Variants in LIN28B observed in about 807,000 individuals in gnomAD.
LIN28B encodes protein lin-28 homolog B.
In LIN28B, 5 loss-of-function variants were observed where a neutral mutation model predicts 21.9. The ratio of observed to expected loss-of-function variants is 0.23; its 90% confidence interval spans 0.12 to 0.48. The LOEUF (loss-of-function observed/expected upper bound fraction) is 0.48. Ranked by LOEUF, LIN28B falls within the 20% of genes least tolerant of loss-of-function variation. The pLI is 0.98. For synonymous variants in LIN28B, 109 were observed against 111.3 expected, an observed-to-expected ratio of 0.98 and a Z score of 0.13; for missense variants, 245 against 310.5, an observed-to-expected ratio of 0.79 and a Z score of 1.58.
Position 105,023,602 on chromosome 6 carries a change from TAAA to T in LIN28B, c.199-2694_199-2692del, listed in dbSNP as rs1562096719. 1.1e-3 allele frequency among the ~76,000 whole-genome samples: 70 copies of T among 61,226 alleles called. 9 individuals are homozygous for T. The highest frequency in any genetic ancestry group is 4.5e-3 in the African/African-American group (65 of 14,428). The allele number at this position is 61,226 out of a possible 152,430, so 40.2% of individuals were successfully genotyped here. On this transcript the variant is annotated intron_variant, in intron 2 of 3. Coordinates refer to ENST00000345080, the MANE Select transcript of LIN28B (RefSeq NM_001004317.4). ...ATATATATTATATATATTATATATA[TAAA>T]ATATATAATATATATTATATATTTT...
rs557578097 is a variant in LIN28B, at chr6:105,049,470, G to T, written c.383+22988G>T. ...GTGTGATGTGGTGCTGAGAAGAATG[G>T]ATATTCTGTTGATTTGGGGTGGAGA... On this transcript the variant is annotated intron_variant, in intron 3 of 3. Transcript: ENST00000345080. Among the ~76,000 whole-genome samples the T allele has an allele frequency of 3.3e-4, 50 of 152,212 alleles. No homozygotes were observed. In the South Asian group the frequency reaches 9.2e-3, roughly 28 times the overall value.
intron 3 of LIN28B, among the ~76,000 whole-genome samples, chr6:105,059,272 T>C (rs1214818363): frequency 6.6e-6 from 1 of 152,142 alleles, no homozygotes; most frequent in East Asian, 1.9e-4. Context: ...TCCTTCTACT[T>C]TTCTGGCTGT....
chr6:104,963,139 C>A (rs909488832), intron 2 of LIN28B, among the ~76,000 whole-genome samples: 1 of 152,130 alleles, frequency 6.6e-6, no homozygotes, highest in Non-Finnish European at 1.5e-5. Flanking sequence ...CTCCGCCTTC[C>A]GGGTTCACGC....
intron 3 of LIN28B, among the ~76,000 whole-genome samples, chr6:105,069,712 T>TA (rs1338647150): frequency 6.6e-6 from 1 of 151,968 alleles, no homozygotes; most frequent in Non-Finnish European, 1.5e-5. Context: ...AGCTGTAAGT[T>TA]ATCATCCATT....
chr6:104,988,230 C>A (rs1215231134), intron 2 of LIN28B, among the ~76,000 whole-genome samples: 1 of 152,098 alleles, frequency 6.6e-6, no homozygotes, highest in Non-Finnish European at 1.5e-5. Flanking sequence ...CTCTTTCATT[C>A]CTAGTTTGCT....
chr6:105,027,188 G>A (rs951323308), intron 3 of LIN28B, among the ~76,000 whole-genome samples: 9 of 152,064 alleles, frequency 5.9e-5, no homozygotes, highest in Non-Finnish European at 1.2e-4. Context: ...ATACTTAATA[G>A]TGAAAATCTG....
intron 2 of LIN28B, among the ~76,000 whole-genome samples, chr6:104,991,345 C>T (rs1268801677): frequency 4.6e-5 from 7 of 150,814 alleles, no homozygotes; most frequent in South Asian, 2.1e-4. Flanking sequence ...AGTGGGCGGC[C>T]GGGCAGAGAC....
intron 3 of LIN28B, among the ~76,000 whole-genome samples, chr6:105,050,867 A>C (rs1371392907): frequency 2.6e-5 from 4 of 151,364 alleles, no homozygotes; most frequent in Admixed American, 2.6e-4. Context: ...TTTATTAGGA[A>C]GTTCAAGACA....
intron 2 of LIN28B, among the ~76,000 whole-genome samples, chr6:104,997,736 T>C (rs1395982432): frequency 1.3e-5 from 2 of 152,226 alleles, no homozygotes; most frequent in African/African-American, 4.8e-5. Context: ...ATTTATAATC[T>C]GCACATGGCC....
upstream of LIN28B, among the ~76,000 whole-genome samples, chr6:104,955,504 A>G (rs534864173): frequency 1.4e-4 from 21 of 152,252 alleles, no homozygotes; most frequent in South Asian, 3.9e-3. Context: ...TTATACATCC[A>G]TTTTCCAATC....
chr6:104,984,866 T>C (rs1458543573), intron 2 of LIN28B, among the ~76,000 whole-genome samples: 4 of 152,236 alleles, frequency 2.6e-5, no homozygotes, highest in Admixed American at 2.6e-4. Flanking sequence ...TGTAGGAATA[T>C]TTCCTAAATT....
chr6:105,012,148 A>C (rs992769051), intron 2 of LIN28B, among the ~76,000 whole-genome samples: 1 of 150,900 alleles, frequency 6.6e-6, no homozygotes, highest in African/African-American at 2.4e-5. Flanking sequence ...ACAGAGCAAG[A>C]CTCCGTCTCA....
chr6:105,050,595 C>T (rs1156614709), intron 3 of LIN28B, among the ~76,000 whole-genome samples: 94 of 109,300 alleles, frequency 8.6e-4, no homozygotes, highest in Admixed American at 2.3e-3. Context: ...GGCGACAGAG[C>T]GAGACTCCGT....
rs115561227 is a variant in LIN28B, at chr6:104,948,072, C to T, written c.19-2389C>T. The stretch of plus-strand genomic sequence containing the variant: ...CTAAATGATGAATGGAGATTATTCT[C>T]GTGTAGGGGCAAAGAAGTGTATTTT... On this transcript the variant is annotated intron_variant, in intron 2 of 5. Coordinates refer to the LIN28B transcript ENST00000635857. 2.3e-3 allele frequency among the ~76,000 whole-genome samples: 349 copies of T among 152,090 alleles called. 1 individual carries two copies. Among genetic ancestry groups the T allele is most frequent in the African/African-American group, 7.8e-3 (324 of 41,494 alleles).
intron 1 of LIN28B, 126 bp downstream of exon 1, chr6:104,957,386 C>G: frequency 1.7e-6 from 1 of 597,854 alleles, no homozygotes; most frequent in South Asian, 2.0e-5. Flanking sequence ...GCATTACCTC[C>G]CAACCCCCCA....
intron 2 of LIN28B, among the ~76,000 whole-genome samples, chr6:104,991,065 G>A (rs1223403108): frequency 6.6e-6 from 1 of 152,206 alleles, no homozygotes; most frequent in Non-Finnish European, 1.5e-5. Flanking sequence ...CGTTCTCAAT[G>A]AGCTGTTGGG....
intron 2 of LIN28B, among the ~76,000 whole-genome samples, chr6:104,983,695 G>T (rs1582878137): frequency 6.6e-6 from 1 of 152,112 alleles, no homozygotes; most frequent in South Asian, 2.1e-4. Flanking sequence ...TCCTGCCTCA[G>T]CCTCCCAAGT....
Position 104,997,650 on chromosome 6 carries a change from A to C in LIN28B, c.199-28648A>C, listed in dbSNP as rs2114283724. Among the ~76,000 whole-genome samples the C allele has an allele frequency of 3.9e-5, 6 of 152,040 alleles. 2 individuals are homozygous for C. The highest frequency in any genetic ancestry group is 3.9e-4 in the Admixed American group (6 of 15,262). Reference sequence around the variant, plus strand: ...ATGTTTTCAGGTTGAGAGGTTTGACATTTGGTGATGATGATAGAGAATAAT... The same window carrying C: ...ATGTTTTCAGGTTGAGAGGTTTGACCTTTGGTGATGATGATAGAGAATAAT... On this transcript the variant is annotated intron_variant, in intron 2 of 3. Transcript: ENST00000345080.
intron 2 of LIN28B, among the ~76,000 whole-genome samples, chr6:104,946,356 G>T (rs1778156348): frequency 6.6e-6 from 1 of 152,066 alleles, no homozygotes; most frequent in South Asian, 2.1e-4. Context: ...ATTAAAGTAG[G>T]ATGTTCAGTT....
Sources: gnomAD v4.1 joint callset for allele counts (sites outside exome capture counted in the v4.1 genomes callset) on GRCh38, gnomAD v4.1.1 for gene constraint, MANE v1.5 for transcripts, NCBI Gene and HGNC (gene_info 2026-07-23, HGNC 2026-07-21) for gene names.